Variants in PDE7B observed in about 807,000 individuals in gnomAD.
The protein encoded by PDE7B is 3',5'-cyclic-AMP phosphodiesterase 7B.
In PDE7B, 29 loss-of-function variants were observed where a neutral mutation model predicts 56.2. That is an observed-to-expected ratio of 0.52 (90% CI 0.38 to 0.70). PDE7B has a LOEUF of 0.70. PDE7B is among the 30% of genes least tolerant of loss of function. The probability of loss-of-function intolerance (pLI) is 0.00; values close to 1 mark genes in which losing one functional copy is unlikely to be tolerated. For synonymous variants in PDE7B, 197 were observed against 196.9 expected (o/e 1.00, Z 0.00); for missense variants, 490 against 565.0 (o/e 0.87, Z 1.35).
At chr6:135,976,144 G>A (rs1395891855) in intron 2 of PDE7B, among the ~76,000 whole-genome samples, 1 of 152,084 alleles carries the variant, frequency 6.6e-6, no homozygotes, top group Non-Finnish European at 1.5e-5. Context: ...AGTTACAAAT[G>A]AGTTTGGCAA....
In PDE7B at chr6:136,169,307, C is replaced by T. The variant is rs572011175; in HGVS notation, c.712-4490C>T. The stretch of plus-strand genomic sequence containing the variant: ...GTTCTGGCCAAAACATGCTTTCATG[C>T]ATAATGACTCTTCCACAAAGGCTGT... On this transcript the variant is annotated intron_variant, in intron 8 of 12. Coordinates refer to ENST00000308191, the MANE Select transcript of PDE7B (RefSeq NM_018945.4). 5.9e-5 allele frequency among the ~76,000 whole-genome samples: 9 copies of T among 152,252 alleles called. No individual in the cohort carries two copies. The South Asian group carries it at 1.0e-3, about 18-fold the overall frequency.
intron 1 of PDE7B, among the ~76,000 whole-genome samples, chr6:135,866,693 A>G (rs1313202312): frequency 6.6e-6 from 1 of 152,354 alleles, no homozygotes; most frequent in African/African-American, 2.4e-5. Context: ...ATTAGCTCAT[A>G]GCAACTTTCT....
chr6:135,961,255 ATG>A (rs961322926), intron 2 of PDE7B, among the ~76,000 whole-genome samples: 2,937 of 145,792 alleles, frequency 0.02, 74 homozygotes, highest in African/African-American at 0.061. Flanking sequence ...TAGAGTGTAT[ATG>A]TGTGTGTGTG....
At chr6:136,171,703 T>C (rs964566116) in intron 8 of PDE7B, among the ~76,000 whole-genome samples, 1 of 149,494 alleles carries the variant, frequency 6.7e-6, no homozygotes, top group African/African-American at 2.4e-5. Context: ...TAGTTACATA[T>C]GTATACATGT....
intron 2 of PDE7B, among the ~76,000 whole-genome samples, chr6:135,963,100 A>C (rs1774936034): frequency 6.6e-6 from 1 of 152,214 alleles, no homozygotes. Flanking sequence ...TGAGGTTCTC[A>C]AAATCGAAAC....
chr6:136,037,648 G>A (rs1283609857), intron 2 of PDE7B: 1 of 985,310 alleles, frequency 1.0e-6, no homozygotes, highest in Non-Finnish European at 1.2e-6. Flanking sequence ...TTGCAGGCCT[G>A]AGCCTGTACC....
At chr6:136,158,195 A>G (rs772454389) in intron 8 of PDE7B, among the ~76,000 whole-genome samples, 2 of 152,226 alleles carry the variant, frequency 1.3e-5, no homozygotes, top group Non-Finnish European at 2.9e-5. Context: ...TTGCTGAGAC[A>G]CAAATGGGCT....
chr6:136,186,985 T>TA, intron 11 of PDE7B, 51 bp from the exon 12 acceptor site: 1 of 919,824 alleles, frequency 1.1e-6, no homozygotes, highest in South Asian at 1.4e-5. Flanking sequence ...ATACTCATTT[T>TA]ATAAGTTCTA....
chr6:136,159,629 G>T (rs1778670353), intron 8 of PDE7B, among the ~76,000 whole-genome samples: 1 of 152,126 alleles, frequency 6.6e-6, no homozygotes, highest in Non-Finnish European at 1.5e-5. Context: ...TGGCTTGTTA[G>T]GGAAGAACTC....
chr6:136,000,259 T>A (rs1042545194), intron 2 of PDE7B, among the ~76,000 whole-genome samples: 3 of 152,234 alleles, frequency 2.0e-5, no homozygotes, highest in Admixed American at 2.0e-4. Context: ...TTTAATTAGA[T>A]CCCATTTGTC....
chr6:136,092,006 T>A (rs932233704), intron 2 of PDE7B, among the ~76,000 whole-genome samples: 1 of 152,220 alleles, frequency 6.6e-6, no homozygotes, highest in East Asian at 1.9e-4. Context: ...ATATCACTTA[T>A]GAGAAACTAA....
intron 2 of PDE7B, among the ~76,000 whole-genome samples, chr6:136,051,983 G>T (rs1776637999): frequency 6.6e-6 from 1 of 151,858 alleles, no homozygotes; most frequent in Admixed American, 6.6e-5. Flanking sequence ...GGGCTGTTCA[G>T]AGGGATGAAG....
chr6:135,888,555 A>G (rs899428628), intron 1 of PDE7B, among the ~76,000 whole-genome samples: 1 of 152,106 alleles, frequency 6.6e-6, no homozygotes, highest in Non-Finnish European at 1.5e-5. Flanking sequence ...GGTATAAAAT[A>G]TAGGTATAAA....
intron 2 of PDE7B, among the ~76,000 whole-genome samples, chr6:135,974,552 A>G (rs1214424630): frequency 4.6e-5 from 7 of 152,200 alleles, no homozygotes; most frequent in African/African-American, 1.7e-4. Flanking sequence ...TTCTTCCCAA[A>G]TGGCTCAAAC....
intron 2 of PDE7B, among the ~76,000 whole-genome samples, chr6:136,048,838 A>G (rs542157991): frequency 6.6e-6 from 1 of 152,320 alleles, no homozygotes; most frequent in East Asian, 1.9e-4. Context: ...TTTTCTCTTC[A>G]ACTTACAAAC....
At chr6:135,960,032 C>T (rs1774869485) in intron 2 of PDE7B, among the ~76,000 whole-genome samples, 1 of 152,158 alleles carries the variant, frequency 6.6e-6, no homozygotes, top group African/African-American at 2.4e-5. Context: ...CCTTGACCTT[C>T]ATAACAGAGT....
intron 11 of PDE7B, among the ~76,000 whole-genome samples, chr6:136,185,431 GATT>G (rs1779128410): frequency 6.6e-6 from 1 of 152,054 alleles, no homozygotes; most frequent in African/African-American, 2.4e-5. Flanking sequence ...GTAAAATGGG[GATT>G]ATAATAAGGT....
intron 3 of PDE7B, among the ~76,000 whole-genome samples, chr6:136,126,112 C>T (rs1778019502): frequency 1.3e-5 from 2 of 152,154 alleles, no homozygotes; most frequent in South Asian, 4.1e-4. Context: ...GTCTATATTG[C>T]ACCCACATGC....
intron 9 of PDE7B, among the ~76,000 whole-genome samples, chr6:136,174,278 G>A (rs2128450352): frequency 6.6e-6 from 1 of 152,214 alleles, no homozygotes; most frequent in Middle Eastern, 3.4e-3. Context: ...TAAAGCTAGA[G>A]TTCAAAAAAG....
Sources: allele counts gnomAD v4.1 joint callset (sites outside exome capture counted in the v4.1 genomes callset), GRCh38; gene constraint gnomAD v4.1.1; transcripts MANE v1.5; gene names NCBI Gene and HGNC (gene_info 2026-07-23, HGNC 2026-07-21).